ANK3: variants seen among roughly 807,000 people sequenced by gnomAD.
ANK3 encodes ankyrin-3.
A neutral mutation model predicts 370.9 loss-of-function variants in ANK3; 57 were observed. That is an observed-to-expected ratio of 0.15 (90% CI 0.12 to 0.19). ANK3 has a LOEUF of 0.19. Among genes scored for constraint, ANK3 ranks in the 10% least tolerant of loss-of-function variants. ANK3 has a pLI of 1.00. For missense variants in ANK3, 4,439 were observed against 5,302.1 expected (o/e 0.84, Z 5.06); for synonymous variants, 1,929 against 1,946.3 (o/e 0.99, Z 0.23).
intron 29 of ANK3, 33 bp from the exon 30 acceptor site, chr10:60,086,917 G>C (rs761007871): frequency 8.8e-7 from 1 of 1,131,242 alleles, no homozygotes; most frequent in Non-Finnish European, 1.1e-6. Context: ...AAATGAAAGT[G>C]ACTTTTTTTT....
chr10:60,105,086 C>T (rs926735969), intron 28 of ANK3, among the ~76,000 whole-genome samples: 4 of 151,992 alleles, frequency 2.6e-5, no homozygotes, highest in African/African-American at 9.7e-5. Context: ...AATTATATCT[C>T]GAATAAAGCT....
intron 1 of ANK3, among the ~76,000 whole-genome samples, chr10:60,687,128 T>C (rs1034861469): frequency 3.3e-5 from 5 of 152,214 alleles, no homozygotes; most frequent in South Asian, 2.1e-4. Flanking sequence ...ATTCACTCTA[T>C]AATGTTTGCA....
At chr10:60,153,211 T>C in intron 23 of ANK3, among the ~76,000 whole-genome samples, 1 of 152,230 alleles carries the variant, frequency 6.6e-6, no homozygotes, top group Non-Finnish European at 1.5e-5. Flanking sequence ...TTGGATGGTT[T>C]TAAGCTAAGG....
chr10:60,374,312 A>G (rs1292733414), intron 1 of ANK3, among the ~76,000 whole-genome samples: 1 of 152,182 alleles, frequency 6.6e-6, no homozygotes, highest in Non-Finnish European at 1.5e-5. Flanking sequence ...TTCCATGTAG[A>G]GTATCTTTGG....
intron 1 of ANK3, among the ~76,000 whole-genome samples, chr10:60,714,720 C>T (rs1471038787): frequency 6.6e-6 from 1 of 152,138 alleles, no homozygotes; most frequent in African/African-American, 2.4e-5. Flanking sequence ...AGAACTTCCT[C>T]AACTTGATAA....
chr10:60,356,959 T>G (rs1249342058), intron 1 of ANK3, among the ~76,000 whole-genome samples: 1 of 152,210 alleles, frequency 6.6e-6, no homozygotes, highest in Non-Finnish European at 1.5e-5. Context: ...TCCACCCGCC[T>G]TGGCCTCCTA....
intron 1 of ANK3, among the ~76,000 whole-genome samples, chr10:60,647,731 G>T (rs1284876282): frequency 1.3e-5 from 2 of 152,070 alleles, no homozygotes; most frequent in African/African-American, 4.8e-5. Context: ...ACAAGTTAGG[G>T]TCTAAAAACA....
At chr10:60,204,966 G>A (rs759364808) in intron 11 of ANK3, among the ~76,000 whole-genome samples, 3 of 152,106 alleles carry the variant, frequency 2.0e-5, no homozygotes, top group Non-Finnish European at 2.9e-5. Context: ...AGAGACATAC[G>A]GAGGCAAACA....
At chr10:60,554,163 G>A (rs892855200) in intron 2 of ANK3, among the ~76,000 whole-genome samples, 5 of 152,090 alleles carry the variant, frequency 3.3e-5, no homozygotes, top group African/African-American at 4.8e-5. Flanking sequence ...AGCACAAAAT[G>A]CATCTTTAAG....
At chr10:60,364,988 T>C (rs140356494) in intron 1 of ANK3, among the ~76,000 whole-genome samples, 54 of 151,372 alleles carry the variant, frequency 3.6e-4, no homozygotes, top group African/African-American at 1.2e-3. Flanking sequence ...TGTGAAATAT[T>C]TGTGTAATAC....
chr10:60,460,391 T>G (rs2133056351), intron 2 of ANK3, among the ~76,000 whole-genome samples: 1 of 152,230 alleles, frequency 6.6e-6, no homozygotes, highest in Middle Eastern at 3.4e-3. Flanking sequence ...ATAAGAAATT[T>G]AAGGCACAAA....
At chr10:60,126,828 G>A (rs1373732621) in intron 25 of ANK3, among the ~76,000 whole-genome samples, 1 of 152,170 alleles carries the variant, frequency 6.6e-6, no homozygotes, top group Non-Finnish European at 1.5e-5. Context: ...TCTCAAGGTT[G>A]AATGGCACTT....
intron 1 of ANK3, among the ~76,000 whole-genome samples, chr10:60,282,257 T>G (rs1324321796): frequency 6.6e-6 from 1 of 152,080 alleles, no homozygotes; most frequent in Non-Finnish European, 1.5e-5. Flanking sequence ...GCTAAAGAAG[T>G]TAAAATAGAG....
intron 8 of ANK3, among the ~76,000 whole-genome samples, chr10:60,221,343 G>C (rs939329209): frequency 6.6e-6 from 1 of 152,124 alleles, no homozygotes; most frequent in Non-Finnish European, 1.5e-5. Flanking sequence ...GTCTCCCAAA[G>C]TGCTGGGATT....
chr10:60,512,998 A>G (rs2076126739), intron 2 of ANK3, among the ~76,000 whole-genome samples: 2 of 152,166 alleles, frequency 1.3e-5, no homozygotes, highest in Non-Finnish European at 2.9e-5. Context: ...AATCATGAAC[A>G]ACTTTAATGT....
chr10:60,350,087 G>A (rs1047062330), intron 1 of ANK3, among the ~76,000 whole-genome samples: 4 of 152,320 alleles, frequency 2.6e-5, no homozygotes, highest in South Asian at 2.1e-4. Flanking sequence ...GGCACTACAC[G>A]AAGGAGAGGC....
chr10:60,217,439 G>C (rs911178275), intron 8 of ANK3, among the ~76,000 whole-genome samples: 2 of 152,146 alleles, frequency 1.3e-5, no homozygotes, highest in Non-Finnish European at 2.9e-5. Context: ...TTGCCTCCTA[G>C]AGATTCTGGT....
At chr10:60,129,749 T>TCACA (rs3045374) in intron 25 of ANK3, among the ~76,000 whole-genome samples, 3 of 151,076 alleles carry the variant, frequency 2.0e-5, no homozygotes, top group South Asian at 2.1e-4. Flanking sequence ...TGAGACTCTG[T>TCACA]CACACACACA....
At position 60,075,017 on chromosome 10, in the gene ANK3, A is replaced by G; in HGVS notation, c.5864T>C (p.Leu1955Ser). 1.2e-6 allele frequency: 2 copies of G among 1,613,954 alleles called. No homozygotes were observed. The highest frequency in any genetic ancestry group is 1.7e-6 in the Non-Finnish European group (2 of 1,179,968). The change falls in exon 37 of 44, where the codon TTA (leucine) becomes TCA (serine). Residue 1955 changes from leucine to serine, a missense_variant. This residue lies in a region of ANK3 where 679 missense variants were observed against 791.0 expected (regional missense o/e 0.86). Coordinates refer to ENST00000280772, the MANE Select transcript of ANK3 (RefSeq NM_020987.5). ...FKIVEKVKED[L>S]VKVSEILKKD... ...TTTAAGGATTTCACTAACTTTCACT[A>G]AGTCTTCCTTTACTTTCTCTACAAT...
Sources: allele counts gnomAD v4.1 joint callset (sites outside exome capture counted in the v4.1 genomes callset), GRCh38; gene constraint gnomAD v4.1.1; regional missense constraint gnomAD v4.1.1; transcripts MANE v1.5; gene names NCBI Gene and HGNC (gene_info 2026-07-23, HGNC 2026-07-21).